Variants in ANKRD50 observed in about 807,000 individuals in gnomAD.
ANKRD50 encodes ankyrin repeat domain 50, also known as ankyrin repeat domain-containing protein 50.
A neutral mutation model predicts 112.0 loss-of-function variants in ANKRD50; 40 were observed. The observed-to-expected ratio is 0.36, with a 90% CI of 0.28 to 0.46. The LOEUF is 0.46. Ranked by LOEUF, ANKRD50 falls within the 20% of genes least tolerant of loss-of-function variation. ANKRD50 has a pLI of 1.00. For missense variants in ANKRD50, 1,487 were observed against 1,701.7 expected, an observed-to-expected ratio of 0.87 and a Z score of 2.22; for synonymous variants, 613 against 619.1, an observed-to-expected ratio of 0.99 and a Z score of 0.15.
At chr4:124,703,194 A>G (rs2036205) in intron 2 of ANKRD50, among the ~76,000 whole-genome samples, 149,300 of 152,190 alleles carry the variant, frequency 0.98, 73,304 homozygotes, top group East Asian at 1. Context: ...AGAAAAAAGT[A>G]CAAATACTGA....
At chr4:124,675,693 T>A (rs980732522) in intron 3 of ANKRD50, among the ~76,000 whole-genome samples, 9 of 151,796 alleles carry the variant, frequency 5.9e-5, no homozygotes, top group Admixed American at 5.3e-4. Flanking sequence ...ACTTTTATAA[T>A]CAGATAAAAT....
rs925955249 is a variant in ANKRD50, at chr4:124,695,879, C to G, written c.512+14121G>C. Among the ~76,000 whole-genome samples, 5 of 152,262 alleles carry G rather than the reference C, an allele frequency of 3.3e-5. 1 individual carries two copies. The highest frequency in any genetic ancestry group is 6.8e-3 in the Middle Eastern group (2 of 294). ...AATGCCTGACTGCATCAGCCCCTCA[C>G]CCTATCTGTCCAAGGTTTTCCTGTT... On this transcript the variant is annotated intron_variant, in intron 2 of 4. Transcript: ENST00000504087.
intron 2 of ANKRD50, 149 bp from the exon 3 acceptor site, chr4:124,679,054 A>G: frequency 1.6e-6 from 1 of 635,164 alleles, no homozygotes; most frequent in East Asian, 2.9e-5. Flanking sequence ...TCAATTCCTT[A>G]CTTTAAGTAC....
rs941265943 is a variant in ANKRD50 at position 124,699,503 on chromosome 4, C to T, written c.512+10497G>A. Among the ~76,000 whole-genome samples the T allele has an allele frequency of 2.6e-5, 4 of 152,074 alleles. No homozygotes were observed. In the East Asian group the frequency reaches 7.7e-4, roughly 29 times the overall value. On this transcript the variant is annotated intron_variant, in intron 2 of 4. Coordinates refer to ENST00000504087, the MANE Select transcript of ANKRD50 (RefSeq NM_020337.3). ...TTGAGATTGAATTCAAGTTTTTTCT[C>T]CTTTCCAAATAAATATTAATTTTAA... is the stretch of plus-strand genomic sequence containing the variant.
chr4:124,673,449 C>T (rs1730705205), intron 3 of ANKRD50, among the ~76,000 whole-genome samples: 1 of 152,000 alleles, frequency 6.6e-6, no homozygotes, highest in Non-Finnish European at 1.5e-5. Flanking sequence ...AAAGGAAAAA[C>T]GATTTTTAAA....
At chr4:124,694,184 T>A (rs1176742994) in intron 2 of ANKRD50, among the ~76,000 whole-genome samples, 1 of 152,162 alleles carries the variant, frequency 6.6e-6, no homozygotes, top group East Asian at 1.9e-4. Flanking sequence ...ATCTATGCAT[T>A]TACTAGGATA....
Position 124,668,987 on chromosome 4 carries a change from T to C in ANKRD50, c.4290A>G (p.Ter1430=). ...CTTTATGTTGACAAAATATTACCTT[T>C]TATAATGGTGTTTCCTTTTTATAGT... is the stretch of plus-strand genomic sequence containing the variant. The part of the protein sequence containing the change: ...SFNYKKETPL[*] The change falls in exon 4 of 5, where the codon TAA becomes TAG. Residue 1430 remains the stop codon, a stop_retained_variant. Transcript: ENST00000504087. The C allele has an allele frequency of 6.3e-7, 1 of 1,596,660 alleles. No individual in the cohort carries two copies. Among genetic ancestry groups the C allele is most frequent in the Non-Finnish European group, 8.5e-7 (1 of 1,175,784 alleles).
chr4:124,665,257 G>A lies in ANKRD50; in HGVS notation c.*2261C>T, dbSNP rs1439940050. 6.6e-6 allele frequency: 1 copy of A among 151,998 alleles called. No individual in the cohort carries two copies. The highest frequency in any genetic ancestry group is 1.5e-5 in the Non-Finnish European group (1 of 67,796). The allele number at this position is 151,998 out of a possible 1,614,324, so 9.4% of individuals were successfully genotyped here. A position where few individuals can be genotyped will look rare whatever the true frequency, so the allele number is the denominator to read the frequency against. On this transcript the variant is annotated 3_prime_UTR_variant, in exon 5 of 5. Transcript: ENST00000504087. ...CATAATTTATATAAAAACATCCCGA[G>A]GAATACTTACTTTTGAAAATCGTAT...
chr4:124,668,151 C>T (rs985237285), intron 4 of ANKRD50, among the ~76,000 whole-genome samples: 1 of 151,822 alleles, frequency 6.6e-6, no homozygotes. Context: ...AACTTACATA[C>T]CTATTTTCCC....
intron 2 of ANKRD50, among the ~76,000 whole-genome samples, chr4:124,691,274 T>C (rs887954947): frequency 4.6e-5 from 7 of 151,766 alleles, no homozygotes; most frequent in Admixed American, 6.6e-5. Context: ...GGGTGGATCA[T>C]GAGGTCAGGA....
intron 2 of ANKRD50, among the ~76,000 whole-genome samples, chr4:124,683,864 CTT>C (rs1174288534): frequency 9.5e-5 from 9 of 94,978 alleles, no homozygotes; most frequent in Non-Finnish European, 1.6e-4. Flanking sequence ...TGTACAATTT[CTT>C]TTTTTTTTTT....
chr4:124,693,495 T>C (rs1725180578), intron 2 of ANKRD50, among the ~76,000 whole-genome samples: 1 of 152,172 alleles, frequency 6.6e-6, no homozygotes, highest in Admixed American at 6.5e-5. Context: ...TGTAGTTAAT[T>C]ACCTGCGATG....
chr4:124,705,313 C>T (rs1462084190), intron 2 of ANKRD50, among the ~76,000 whole-genome samples: 1 of 152,170 alleles, frequency 6.6e-6, no homozygotes, highest in Non-Finnish European at 1.5e-5. Context: ...ACCATTAGCA[C>T]AAATTTTCTA....
Position 124,667,319 on chromosome 4 carries a change from A to AT in ANKRD50, c.*198dup, listed in dbSNP as rs1553966251. The AT allele has an allele frequency of 6.6e-6, 1 of 152,024 alleles. No homozygotes were observed. The highest frequency in any genetic ancestry group is 1.5e-5 in the Non-Finnish European group (1 of 67,938). The allele number at this position is 152,024 out of a possible 1,614,324, so 9.4% of individuals were successfully genotyped here. On this transcript the variant is annotated 3_prime_UTR_variant, in exon 5 of 5. Transcript: ENST00000504087. ...GTGAATACAAAGCACACAAAATGAA[A>AT]TTTTTTAAGCACAGAGGGTTACATT...
At position 124,670,649 on chromosome 4, in the gene ANKRD50, A is replaced by G. The variant is rs377614958; in HGVS notation, c.2628T>C (p.Ile876=). 6.2e-7 allele frequency: 1 copy of G among 1,613,412 alleles called. No homozygotes were observed. Among genetic ancestry groups the G allele is most frequent in the African/African-American group, 1.3e-5 (1 of 74,862 alleles). ...TGAAAGGGATTCGTCCATCATTGTC[A>G]ATCTCATTTGTTCTAGCACCTTGTT... The part of the protein sequence containing the change: ...LIEQGARTNE[I]DNDGRIPFIL... The change falls in exon 4 of 5, where the codon ATT becomes ATC. Residue 876 remains isoleucine (I), a synonymous_variant. Coordinates refer to ENST00000504087, the MANE Select transcript of ANKRD50 (RefSeq NM_020337.3).
chr4:124,668,327 A>C (rs1730546501), intron 4 of ANKRD50, among the ~76,000 whole-genome samples: 1 of 152,060 alleles, frequency 6.6e-6, no homozygotes, highest in Non-Finnish European at 1.5e-5. Flanking sequence ...TATGTGTGAA[A>C]ACATTACTTA....
chr4:124,707,912 A>G (rs1028872749), intron 2 of ANKRD50, among the ~76,000 whole-genome samples: 1 of 152,178 alleles, frequency 6.6e-6, no homozygotes, highest in Non-Finnish European at 1.5e-5. Context: ...AGCTATGCTT[A>G]GGATCAGAAT....
rs1412920249 is a variant in ANKRD50, at chr4:124,666,158, C to T, written c.*1360G>A. ...AAACTGTTATGACAACTTTTCCAGA[C>T]ATATAAACGACCCATCTAAGCTACA... is the stretch of plus-strand genomic sequence containing the variant. On this transcript the variant is annotated 3_prime_UTR_variant, in exon 5 of 5. Coordinates refer to ENST00000504087, the MANE Select transcript of ANKRD50 (RefSeq NM_020337.3). 1 of 152,290 alleles carries T rather than the reference C, an allele frequency of 6.6e-6. No homozygotes were observed. The highest frequency in any genetic ancestry group is 1.5e-5 in the Non-Finnish European group (1 of 67,882). The allele number at this position is 152,290 out of a possible 1,614,324, so 9.4% of individuals were successfully genotyped here.
intron 2 of ANKRD50, among the ~76,000 whole-genome samples, chr4:124,682,685 T>C (rs1475066459): frequency 6.6e-6 from 1 of 152,276 alleles, no homozygotes; most frequent in Admixed American, 6.5e-5. Context: ...CTGATATTAA[T>C]GTTAGGCACA....
Sources: gnomAD v4.1 joint callset for allele counts (sites outside exome capture counted in the v4.1 genomes callset) on GRCh38, gnomAD v4.1.1 for gene constraint, MANE v1.5 for transcripts, NCBI Gene and HGNC (gene_info 2026-07-23, HGNC 2026-07-21) for gene names.